ITGA5: variants seen among roughly 807,000 people sequenced by gnomAD.
ITGA5 encodes integrin alpha-5.
Under a neutral mutation model 146.3 loss-of-function variants are expected in ITGA5, and 55 were observed. The observed-to-expected ratio is 0.38, with a 90% CI of 0.30 to 0.47. The LOEUF is 0.47. Among genes scored for constraint, ITGA5 ranks in the 20% least tolerant of loss-of-function variants. The probability of loss-of-function intolerance (pLI) is 0.99; values close to 1 mark genes in which losing one functional copy is unlikely to be tolerated. For missense variants in ITGA5, 1,131 were observed against 1,329.0 expected (o/e 0.85, Z 2.32); for synonymous variants, 500 against 531.8 (o/e 0.94, Z 0.82).
At chr12:54,398,896 G>A in intron 27 of ITGA5, 198 bp from the exon 28 acceptor site, 1 of 476,604 alleles carries the variant, frequency 2.1e-6, no homozygotes, top group Non-Finnish European at 3.6e-6. Context: ...CTGGAGTGCA[G>A]TGGTGTGGGC....
intron 9 of ITGA5, 77 bp downstream of exon 9, chr12:54,407,572 C>T: frequency 8.1e-7 from 1 of 1,237,596 alleles, no homozygotes; most frequent in Non-Finnish European, 1.2e-6. Flanking sequence ...CTTTTTGAGC[C>T]CTTGCAAACT....
Position 54,407,605 on chromosome 12 carries a change from T to C in ITGA5, c.906+44A>G, listed in dbSNP as rs765687959. On this transcript the variant is annotated intron_variant, in intron 9 of 29. Transcript: ENST00000293379. ...ACTGCCATGCACGGTTCTTTGTGATTAGGCAGGGGAGGAGAGGAAGTGAGG... is the reference window on the plus strand; with the variant it reads ...ACTGCCATGCACGGTTCTTTGTGATCAGGCAGGGGAGGAGAGGAAGTGAGG... The C allele has an allele frequency of 2.6e-6, 4 of 1,545,420 alleles. No individual in the cohort carries two copies. In the African/African-American group the frequency reaches 4.1e-5, roughly 16 times the overall value.
chr12:54,398,573 C>T, intron 28 of ITGA5, 24 bp downstream of exon 28: 5 of 1,550,920 alleles, frequency 3.2e-6, no homozygotes, highest in Non-Finnish European at 3.6e-6. Flanking sequence ...ATTCCCTCAT[C>T]CAGTCCTCTG....
At chr12:54,400,694 A>AT (rs1475809652) in intron 25 of ITGA5, 152 bp downstream of exon 25, 5 of 653,610 alleles carry the variant, frequency 7.6e-6, no homozygotes, top group Non-Finnish European at 1.3e-5. Flanking sequence ...CCTCCAGAGG[A>AT]TTTTGAGGTA....
intron 8 of ITGA5, 67 bp downstream of exon 8, chr12:54,407,765 A>C: frequency 6.2e-7 from 1 of 1,604,730 alleles, no homozygotes; most frequent in Non-Finnish European, 8.5e-7. Flanking sequence ...GGCCAAGTTC[A>C]TGGGCTCTCT....
At chr12:54,404,390 C>T (rs1955832776) in intron 14 of ITGA5, 40 bp downstream of exon 14, 5 of 1,606,996 alleles carry the variant, frequency 3.1e-6, no homozygotes, top group Non-Finnish European at 4.3e-6. Flanking sequence ...CAGTTCCAGT[C>T]CACCCAGGTT....
In ITGA5 at chr12:54,411,964, C is replaced by A. The variant is rs1398438426; in HGVS notation, c.219G>T (p.Gly73=). 6.3e-7 allele frequency: 1 copy of A among 1,579,728 alleles called. No individual in the cohort carries two copies. The highest frequency in any genetic ancestry group is 8.6e-7 in the Non-Finnish European group (1 of 1,164,498). Residue 73 remains glycine (G), a splice_region_variant and synonymous_variant, in exon 2 of 30, where the codon GGG becomes GGT. Transcript: ENST00000293379. ...TGGGTGCTCCCACCAGCACACTGAC[C>A]CTGTGGGGGGGAAAAGCGAGGCAGT... The part of the protein sequence containing the change: ...SVEFYRPGTD[G]VSVLVGAPKA...
At position 54,407,659 on chromosome 12, in the gene ITGA5, G is replaced by A. The variant is rs529704616; in HGVS notation, c.896C>T (p.Thr299Ile). ...FVAGVPKGNLTYGYVTILNGS... is the reference protein window; with the variant it reads ...FVAGVPKGNLIYGYVTILNGS... ...CAGGCTGGGTCTTACATAGCCGTAA[G>A]TGAGGTTCCCTTTGGGCACACCAGC... Residue 299 changes from threonine (T) to isoleucine (I), a missense_variant, in exon 9 of 30, where the codon ACT becomes ATT. By Grantham distance (89) the Thr-to-Ile change is moderately conservative. Transcript: ENST00000293379. 144 of 1,613,584 alleles carry A rather than the reference G, an allele frequency of 8.9e-5. No homozygotes were observed. The highest frequency in any genetic ancestry group is 1.1e-4 in the Non-Finnish European group (126 of 1,179,472).
intron 12 of ITGA5, 39 bp downstream of exon 12, chr12:54,405,127 C>T: frequency 2.6e-6 from 4 of 1,518,616 alleles, no homozygotes; most frequent in Non-Finnish European, 3.6e-6. Flanking sequence ...GACTTGGGCC[C>T]CTGCCTCCTC....
rs1955840320 is a variant in ITGA5 at position 54,404,794 on chromosome 12, A to G, written c.1326T>C (p.Val442=). Residue 442 remains valine, a synonymous_variant, in exon 13 of 30, where the codon GTT becomes GTC. Transcript: ENST00000293379. ...GGCTGGCTGCCCACAGGGGCTGCAG[A>G]ACCTGGGAAGGCTTAGAGCCCAGCC... The part of the protein sequence containing the change: ...PGGLGSKPSQ[V]LQPLWAASHT... 2 of 1,613,938 alleles carry G rather than the reference A, an allele frequency of 1.2e-6. No individual in the cohort carries two copies. Among genetic ancestry groups the G allele is most frequent in the African/African-American group, 2.7e-5 (2 of 74,898 alleles).
At position 54,395,952 on chromosome 12, in the gene ITGA5, A is replaced by G. The variant is rs58906323; in HGVS notation, c.*341T>C. ...AGTCCTTGTGGCATGTCTGGCCCAA[A>G]GAACTGTGAATGGATTTCCTAGTTA... On this transcript the variant is annotated 3_prime_UTR_variant, in exon 30 of 30. Transcript: ENST00000293379. 1.6e-3 allele frequency: 363 copies of G among 224,112 alleles called. 1 individual carries two copies. The highest frequency in any genetic ancestry group is 7.6e-3 in the African/African-American group (326 of 43,068). The allele number at this position is 224,112 out of a possible 1,614,324, so 13.9% of individuals were successfully genotyped here. A position where few individuals can be genotyped will look rare whatever the true frequency, so the allele number is the denominator to read the frequency against.
rs371078379 is a variant in ITGA5 at position 54,408,961 on chromosome 12, G to A, written c.584-7C>T. 2.9e-5 allele frequency: 47 copies of A among 1,613,770 alleles called. 1 individual carries two copies. Among genetic ancestry groups the A allele is most frequent in the Admixed American group, 8.3e-5 (5 of 59,996 alleles). ...CCTGCTGCCCAGCTGAAATCTGTGA[G>A]GGGAGAAGGTGGTGAAAATGAGCCC... On this transcript the variant is annotated splice_polypyrimidine_tract_variant and splice_region_variant and intron_variant, in intron 4 of 29. Transcript: ENST00000293379.
intron 29 of ITGA5, among the ~76,000 whole-genome samples, chr12:54,396,721 T>C (rs142812558): frequency 6.6e-6 from 1 of 152,358 alleles, no homozygotes; most frequent in African/African-American, 2.4e-5. Flanking sequence ...TCTCACTCTG[T>C]TGACCAGCCT....
Position 54,401,459 on chromosome 12 carries a change from C to T in ITGA5, c.2407G>A (p.Val803Met), listed in dbSNP as rs747904699. Residue 803 changes from valine (V) to methionine (M), a missense_variant, in exon 24 of 30, where the codon GTG becomes ATG. Val to Met is a conservative substitution (Grantham distance 21). Around this residue, in one of 3 missense-constraint regions of ITGA5, gnomAD observed 889 missense variants for 1,021.5 expected, o/e 0.87. Transcript: ENST00000293379. The surrounding 1 kb of genome is among the most constrained non-coding windows in gnomAD (Gnocchi z 5.0). ...TGCCAGTCGCTTACTGGGAATAGCA[C>T]TGCCTCAGGCTTGGAGACACTAAGG... ...TLNGVSKPEA[V>M]LFPVSDWHPR... 1 of 1,613,968 alleles carries T rather than the reference C, an allele frequency of 6.2e-7. No homozygotes were observed. The highest frequency in any genetic ancestry group is 8.5e-7 in the Non-Finnish European group (1 of 1,179,970).
intron 4 of ITGA5, 21 bp from the exon 5 acceptor site, chr12:54,408,975 G>A (rs757459237): frequency 2.5e-6 from 4 of 1,611,930 alleles, no homozygotes; most frequent in Non-Finnish European, 3.4e-6. Flanking sequence ...AGAAGGTGGT[G>A]AAAATGAGCC....
chr12:54,397,136 G>A (rs549350089), intron 29 of ITGA5: 13 of 403,156 alleles, frequency 3.2e-5, no homozygotes, highest in African/African-American at 1.8e-4. Context: ...GATTTTGCAA[G>A]TATAGGCAAA....
rs1328832464 is a variant in ITGA5 at position 54,407,702 on chromosome 12, G to C, written c.863-10C>G. 6.2e-7 allele frequency: 1 copy of C among 1,613,518 alleles called. No homozygotes were observed. The highest frequency in any genetic ancestry group is 2.2e-5 in the East Asian group (1 of 44,880). On this transcript the variant is annotated splice_polypyrimidine_tract_variant and intron_variant, in intron 8 of 29. Transcript: ENST00000293379. ...ACACCAGCAACAAAGTCTGCAAAGA[G>C]AAGAGAAAGTTGTGACCTAAGGGTG... is the stretch of plus-strand genomic sequence containing the variant.
chr12:54,407,922 C>T (rs1377353002), intron 7 of ITGA5, 46 bp from the exon 8 acceptor site: 1 of 1,548,734 alleles, frequency 6.5e-7, no homozygotes, highest in East Asian at 2.3e-5. Context: ...CTTTGAGGAC[C>T]CCTCTGCTCT....
chr12:54,404,409 A>T (rs377428019), intron 14 of ITGA5, 21 bp downstream of exon 14: 51 of 1,612,958 alleles, frequency 3.2e-5, no homozygotes, highest in Non-Finnish European at 3.6e-5. Flanking sequence ...TTGTCCCCTC[A>T]TCTCCCTTTG....
Sources: gnomAD v4.1 joint callset for allele counts (sites outside exome capture counted in the v4.1 genomes callset) on GRCh38, gnomAD v4.1.1 for gene constraint, gnomAD v4.1.1 regional missense constraint, Gnocchi (gnomAD v3.1) non-coding constraint, MANE v1.5 for transcripts, NCBI Gene and HGNC (gene_info 2026-07-23, HGNC 2026-07-21) for gene names.